The following CBX1 variants were observed in gnomAD, a reference collection of about 807,000 sequenced individuals.
CBX1 encodes the protein chromobox protein homolog 1.
CBX1 carries 10 observed loss-of-function variants against 25.1 expected under a neutral mutation model. That is an observed-to-expected ratio of 0.40 (90% CI 0.25 to 0.68). The LOEUF (loss-of-function observed/expected upper bound fraction) is 0.68. Ranked by LOEUF, CBX1 falls within the 30% of genes least tolerant of loss-of-function variation. CBX1 has a pLI of 0.40. For missense variants in CBX1, 106 were observed against 218.5 expected (o/e 0.49, Z 3.25); for synonymous variants, 63 against 79.4 (o/e 0.79, Z 1.10).
chr17:48,099,363 C>A (rs1305750724), intron 1 of CBX1, among the ~76,000 whole-genome samples: 1 of 152,158 alleles, frequency 6.6e-6, no homozygotes, highest in Non-Finnish European at 1.5e-5. Context: ...CTCAGACTCC[C>A]AAAGTGCTGG....
At chr17:48,082,501 C>CAAAAAAAAA (rs572999255) in intron 1 of CBX1, among the ~76,000 whole-genome samples, 3 of 53,754 alleles carry the variant, frequency 5.6e-5, no homozygotes, top group African/African-American at 7.9e-5. Flanking sequence ...GACTCCATCT[C>CAAAAAAAAA]AAAAAAAAAA....
chr17:48,084,386 G>T (rs531861216), intron 1 of CBX1, among the ~76,000 whole-genome samples: 42 of 147,488 alleles, frequency 2.8e-4, no homozygotes, highest in Admixed American at 2.1e-3. Context: ...GCTAATTTTT[G>T]TATTTTTAGT....
intron 2 of CBX1, 82 bp from the exon 3 acceptor site, chr17:48,076,260 C>T (rs2037673966): frequency 9.1e-7 from 1 of 1,095,098 alleles, no homozygotes. Context: ...AGGACAAGAC[C>T]TCAGATGTCT....
chr17:48,076,252 G>A, intron 2 of CBX1, 74 bp from the exon 3 acceptor site: 1 of 1,185,984 alleles, frequency 8.4e-7, no homozygotes, highest in South Asian at 2.5e-5. Context: ...ATCGTAAGAG[G>A]ACAAGACCTC....
intron 1 of CBX1, among the ~76,000 whole-genome samples, chr17:48,091,565 CAG>C (rs1378298170): frequency 3.9e-5 from 4 of 102,020 alleles, no homozygotes; most frequent in Non-Finnish European, 7.3e-5. Context: ...TTTTTTGAGA[CAG>C]AGTCTCACTC....
intron 1 of CBX1, among the ~76,000 whole-genome samples, chr17:48,087,734 T>C (rs1431402177): frequency 6.6e-6 from 1 of 151,706 alleles, no homozygotes; most frequent in East Asian, 1.9e-4. Context: ...TGGCCGGGCA[T>C]AGTGGCACAC....
chr17:48,089,054 T>C (rs1336470569), intron 1 of CBX1, among the ~76,000 whole-genome samples: 1 of 151,180 alleles, frequency 6.6e-6, no homozygotes, highest in East Asian at 1.9e-4. Flanking sequence ...TAAATCTGAA[T>C]CAAGAGTAAT....
intron 1 of CBX1, among the ~76,000 whole-genome samples, chr17:48,085,196 T>A (rs2063306159): frequency 6.6e-6 from 1 of 152,216 alleles, no homozygotes; most frequent in Admixed American, 6.6e-5. Context: ...ACTTTACAGT[T>A]TACAAAGTGC....
chr17:48,095,095 C>G (rs1210435429), intron 1 of CBX1, among the ~76,000 whole-genome samples: 1 of 151,876 alleles, frequency 6.6e-6, no homozygotes, highest in Non-Finnish European at 1.5e-5. Context: ...TGTACAGGGC[C>G]AACAGTCAAA....
rs760276485 is a variant in CBX1 at position 48,077,024 on chromosome 17, G to C, written c.-20C>G. ...CCCCATAGTGCCCGCCAGCTTTCTG[G>C]TGTAAAGGGTGACGCTGCTAAAATG... On this transcript the variant is annotated 5_prime_UTR_variant, in exon 2 of 5. Coordinates refer to ENST00000225603, the MANE Select transcript of CBX1 (RefSeq NM_001127228.2). The C allele has an allele frequency of 5.6e-6, 9 of 1,607,726 alleles. No individual in the cohort carries two copies. The highest frequency in any genetic ancestry group is 3.3e-4 in the Middle Eastern group (2 of 6,036).
At chr17:48,100,699 C>A (rs560297988) in intron 1 of CBX1, 5 of 985,410 alleles carry the variant, frequency 5.1e-6, no homozygotes, top group African/African-American at 3.5e-5. Context: ...TGCCCCTCCC[C>A]CTCCGTGTCC....
At chr17:48,083,533 T>C in intron 1 of CBX1, among the ~76,000 whole-genome samples, 1 of 150,642 alleles carries the variant, frequency 6.6e-6, no homozygotes, top group Middle Eastern at 3.2e-3. Context: ...AAAAATCTTC[T>C]TATTGGCCAG....
intron 1 of CBX1, among the ~76,000 whole-genome samples, chr17:48,092,086 G>C (rs1490165582): frequency 7.2e-6 from 1 of 139,680 alleles, no homozygotes; most frequent in African/African-American, 2.7e-5. Context: ...CGCCTCCCAG[G>C]TTCAAGTGAT....
At chr17:48,094,834 G>C (rs141844999) in intron 1 of CBX1, among the ~76,000 whole-genome samples, 1 of 150,854 alleles carries the variant, frequency 6.6e-6, no homozygotes, top group Non-Finnish European at 1.5e-5. Context: ...ATCACTTGAC[G>C]CCTGGAGTTC....
At chr17:48,076,385 G>A (rs10853093) in intron 2 of CBX1, among the ~76,000 whole-genome samples, 136,126 of 152,272 alleles carry the variant, frequency 0.89, 61,047 homozygotes, top group East Asian at 0.97. Flanking sequence ...AAATTGGTCT[G>A]TAGCCACACA....
At chr17:48,086,038 T>G (rs1038619971) in intron 1 of CBX1, among the ~76,000 whole-genome samples, 1 of 152,062 alleles carries the variant, frequency 6.6e-6, no homozygotes, top group African/African-American at 2.4e-5. Context: ...GCCACTGCAC[T>G]CCAGCCTGGG....
At chr17:48,098,000 G>A (rs2063384643) in intron 1 of CBX1, among the ~76,000 whole-genome samples, 1 of 152,046 alleles carries the variant, frequency 6.6e-6, no homozygotes, top group Admixed American at 6.6e-5. Flanking sequence ...TATTTAAAAC[G>A]GCCAGTTGCA....
At chr17:48,100,376 A>T (rs1396702302) in intron 1 of CBX1, among the ~76,000 whole-genome samples, 1 of 152,164 alleles carries the variant, frequency 6.6e-6, no homozygotes, top group Non-Finnish European at 1.5e-5. Flanking sequence ...CCTTTGTGAG[A>T]CCAGTTACGA....
intron 1 of CBX1, among the ~76,000 whole-genome samples, chr17:48,087,033 CA>C (rs2063315734): frequency 6.7e-6 from 1 of 148,464 alleles, no homozygotes; most frequent in Non-Finnish European, 1.5e-5. Context: ...ACTAAAAATA[CA>C]AAAAATTAGC....
Sources: gnomAD v4.1 joint callset for allele counts (sites outside exome capture counted in the v4.1 genomes callset) on GRCh38, gnomAD v4.1.1 for gene constraint, MANE v1.5 for transcripts, NCBI Gene and HGNC (gene_info 2026-07-23, HGNC 2026-07-21) for gene names.